BCL2L11: variants seen among roughly 807,000 people sequenced by gnomAD.
BCL2L11 encodes the protein bcl-2-like protein 11.
In BCL2L11, 15 loss-of-function variants were observed where a neutral mutation model predicts 20.6. The ratio of observed to expected loss-of-function variants is 0.73; its 90% CI spans 0.49 to 1.12. BCL2L11 has a LOEUF of 1.12. BCL2L11 is among the 50% of genes most tolerant of loss of function. The pLI is 0.00. For missense variants in BCL2L11, 292 were observed against 260.9 expected, an observed-to-expected ratio of 1.12 and a Z score of -0.82; for synonymous variants, 108 against 92.8, an observed-to-expected ratio of 1.16 and a Z score of -0.94.
rs535320553 is a variant in BCL2L11, at chr2:111,147,394, G to T, written c.395-2650G>T. Among the ~76,000 whole-genome samples the T allele has an allele frequency of 5.6e-4, 71 of 127,518 alleles. 1 individual carries two copies. The highest frequency in any genetic ancestry group is 2.1e-3 in the Admixed American group (27 of 12,936). The allele number at this position is 127,518 out of a possible 152,430, so 83.7% of individuals were successfully genotyped here. A position where few individuals can be genotyped will look rare whatever the true frequency, so the allele number is the denominator to read the frequency against. ...CACACACACACACACACACACACCCGCCATTTCTCCCTGCCAGAGCTTAGG... is the reference window on the plus strand; with the variant it reads ...CACACACACACACACACACACACCCTCCATTTCTCCCTGCCAGAGCTTAGG... On this transcript the variant is annotated intron_variant, in intron 2 of 3. Coordinates refer to ENST00000393256, the MANE Select transcript of BCL2L11 (RefSeq NM_138621.5).
At chr2:111,141,802 G>A (rs1005942419) in intron 2 of BCL2L11, among the ~76,000 whole-genome samples, 45 of 151,382 alleles carry the variant, frequency 3.0e-4, no homozygotes, top group Non-Finnish European at 5.3e-4. Context: ...AGGTTCACGC[G>A]ATTCTCCTGC....
intron 2 of BCL2L11, chr2:111,142,240 C>T (rs2075939752): frequency 7.6e-7 from 1 of 1,308,396 alleles, no homozygotes; most frequent in Non-Finnish European, 1.1e-6. Context: ...TCTTTTCCTT[C>T]TGTGACAAAA....
chr2:111,160,153 C>T (rs898481599), intron 3 of BCL2L11, among the ~76,000 whole-genome samples: 3 of 152,232 alleles, frequency 2.0e-5, no homozygotes, highest in Non-Finnish European at 4.4e-5. Flanking sequence ...CTTCTCTCTC[C>T]ACCTGCACTG....
At chr2:111,144,646 A>G (rs1253252211) in intron 2 of BCL2L11, 4 of 1,221,116 alleles carry the variant, frequency 3.3e-6, no homozygotes, top group Non-Finnish European at 4.5e-6. Context: ...ACAGAGTTGA[A>G]TAAACATCCT....
rs1418874692 is a variant in BCL2L11, at chr2:111,167,996, C to T, written c.*3765C>T. On this transcript the variant is annotated 3_prime_UTR_variant, in exon 4 of 4. Transcript: ENST00000393256. The stretch of plus-strand genomic sequence containing the variant: ...GATTTAGCCTGGTGCCTGTGTGTGT[C>T]CACTCACGTACACGTGGGGTGGGGG... 2 of 152,674 alleles carry T rather than the reference C, an allele frequency of 1.3e-5. No individual in the cohort carries two copies. Among genetic ancestry groups the T allele is most frequent in the African/African-American group, 4.8e-5 (2 of 41,438 alleles). 9.5% of individuals were successfully genotyped at this position (152,674 alleles called of 1,614,324 possible).
chr2:111,146,742 T>C (rs1352574847), intron 2 of BCL2L11, among the ~76,000 whole-genome samples: 2 of 152,240 alleles, frequency 1.3e-5, no homozygotes, highest in Non-Finnish European at 2.9e-5. Context: ...CCATAGAAGA[T>C]ATTTTGTCAC....
chr2:111,149,513 G>A (rs2076989681), intron 2 of BCL2L11, among the ~76,000 whole-genome samples: 1 of 152,148 alleles, frequency 6.6e-6, no homozygotes, highest in Non-Finnish European at 1.5e-5. Flanking sequence ...CTGTATCATT[G>A]TACCTGCTTT....
intron 2 of BCL2L11, among the ~76,000 whole-genome samples, chr2:111,149,003 A>G (rs1346587773): frequency 6.6e-6 from 1 of 152,194 alleles, no homozygotes; most frequent in Non-Finnish European, 1.5e-5. Flanking sequence ...TGTTCTGGTG[A>G]AAACGTAATA....
chr2:111,122,288 C>T (rs1215950837), intron 1 of BCL2L11, among the ~76,000 whole-genome samples: 3 of 152,108 alleles, frequency 2.0e-5, no homozygotes, highest in Non-Finnish European at 2.9e-5. Flanking sequence ...CGGCGCAAGT[C>T]CTGCTTTGTC....
intron 2 of BCL2L11, chr2:111,146,142 A>C: frequency 1.0e-6 from 1 of 985,272 alleles, no homozygotes; most frequent in Non-Finnish European, 1.2e-6. Context: ...AAATGCTGAA[A>C]CTACATTTTC....
intron 2 of BCL2L11, chr2:111,130,033 G>C (rs1313693570): frequency 2.1e-5 from 7 of 341,036 alleles, no homozygotes; most frequent in South Asian, 1.5e-4. Context: ...CACTGTGTTT[G>C]CATGTTCTGG....
In BCL2L11 at chr2:111,150,013, G is replaced by T. The variant is rs755814848; in HGVS notation, c.395-31G>T. 51 of 1,588,080 alleles carry T rather than the reference G, an allele frequency of 3.2e-5. No homozygotes were observed. In the Admixed American group the frequency reaches 8.4e-4, roughly 26 times the overall value. On this transcript the variant is annotated intron_variant, in intron 2 of 3. Coordinates refer to ENST00000393256, the MANE Select transcript of BCL2L11 (RefSeq NM_138621.5). The stretch of plus-strand genomic sequence containing the variant: ...TTCCCAGTGATCTGTGGACCACAAT[G>T]TGATTTTTGTTTTGTTTTGTTCTGA...
At chr2:111,147,383 CACACA>C (rs2076689357) in intron 2 of BCL2L11, among the ~76,000 whole-genome samples, 1 of 150,094 alleles carries the variant, frequency 6.7e-6, no homozygotes, top group Non-Finnish European at 1.5e-5. Flanking sequence ...CACACACACA[CACACA>C]CACCCGCCAT....
chr2:111,128,238 G>A (rs1023659110), intron 2 of BCL2L11, among the ~76,000 whole-genome samples: 5 of 151,966 alleles, frequency 3.3e-5, no homozygotes, highest in Non-Finnish European at 7.4e-5. Context: ...GCGTAATGTC[G>A]TCAGGGTTCA....
chr2:111,151,947 T>C, intron 3 of BCL2L11: 1 of 1,391,528 alleles, frequency 7.2e-7, no homozygotes, highest in Non-Finnish European at 1.0e-6. Flanking sequence ...AAGTAACCAT[T>C]CCCTCCAGTT....
At chr2:111,124,531 C>T (rs145855270) in intron 2 of BCL2L11, among the ~76,000 whole-genome samples, 1,815 of 152,262 alleles carry the variant, frequency 0.012, 37 homozygotes, top group African/African-American at 0.042. Context: ...ACCTTGTAAT[C>T]TGCCTGTCTC....
rs78947792 is a variant in BCL2L11, at chr2:111,146,254, G to C, written c.395-3790G>C. 2,281 of 980,378 alleles carry C rather than the reference G, an allele frequency of 2.3e-3. 42 individuals carry two copies. In the African/African-American group the frequency reaches 0.036, roughly 15 times the overall value. 60.7% of individuals were successfully genotyped at this position (980,378 alleles called of 1,614,324 possible). A position where few individuals can be genotyped will look rare whatever the true frequency, so the allele number is the denominator to read the frequency against. The stretch of plus-strand genomic sequence containing the variant: ...AATTTGATCTCCCTACAGAGTAAGA[G>C]CTTTCATTTCAAATAAAACCATTTT... On this transcript the variant is annotated intron_variant, in intron 2 of 3. Coordinates refer to ENST00000393256, the MANE Select transcript of BCL2L11 (RefSeq NM_138621.5).
intron 2 of BCL2L11, chr2:111,144,446 T>C: frequency 6.5e-7 from 1 of 1,549,156 alleles, no homozygotes; most frequent in Non-Finnish European, 8.7e-7. Context: ...TGATAGCATT[T>C]ACCGCAAACG....
chr2:111,123,656 C>T, intron 1 of BCL2L11, 77 bp from the exon 2 acceptor site: 1 of 1,294,738 alleles, frequency 7.7e-7, no homozygotes, highest in South Asian at 2.6e-5. Flanking sequence ...TTTTTAATCG[C>T]TAGGTGAGAG....
Sources: gnomAD v4.1 joint callset for allele counts (sites outside exome capture counted in the v4.1 genomes callset) on GRCh38, gnomAD v4.1.1 for gene constraint, MANE v1.5 for transcripts, NCBI Gene and HGNC (gene_info 2026-07-23, HGNC 2026-07-21) for gene names.